The following LPAR1 variants were observed in gnomAD, a reference collection of about 807,000 sequenced individuals.
The protein encoded by LPAR1 is lysophosphatidic acid receptor 1, also known as LPA receptor 1.
A neutral mutation model predicts 23.8 loss-of-function variants in LPAR1; 5 were observed. The ratio of observed to expected loss-of-function variants is 0.21; its 90% CI spans 0.11 to 0.44. The LOEUF (loss-of-function observed/expected upper bound fraction) is 0.44. Ranked by LOEUF, LPAR1 falls within the 20% of genes least tolerant of loss-of-function variation. The probability of loss-of-function intolerance (pLI) is 0.99; values close to 1 mark genes in which losing one functional copy is unlikely to be tolerated. For missense variants in LPAR1, 311 were observed against 482.8 expected (o/e 0.64, Z 3.33); for synonymous variants, 160 against 164.7 (o/e 0.97, Z 0.22).
Position 110,941,292 on chromosome 9 carries a change from T to C in LPAR1, c.793+129A>G. On this transcript the variant is annotated intron_variant, in intron 5 of 5. Transcript: ENST00000683809. The surrounding 1 kb of genome is among the most constrained non-coding windows in gnomAD (Gnocchi z 6.1). ...TGACATTTAATATAAAGGTGCCTCA[T>C]CCCCTTGTAATTCCTGGTGAATTAC... 1.2e-6 allele frequency: 1 copy of C among 823,096 alleles called. No homozygotes were observed. Among genetic ancestry groups the C allele is most frequent in the Non-Finnish European group, 1.9e-6 (1 of 519,922 alleles). The allele number at this position is 823,096 out of a possible 1,614,324, so 51.0% of individuals were successfully genotyped here.
chr9:110,925,246 ATATT>A (rs1273344660), intron 5 of LPAR1, among the ~76,000 whole-genome samples: 2 of 149,556 alleles, frequency 1.3e-5, no homozygotes, highest in Non-Finnish European at 3.0e-5. Context: ...GACATAATAT[ATATT>A]TAATTATATA....
At chr9:110,986,438 C>A (rs1027324737) in intron 2 of LPAR1, among the ~76,000 whole-genome samples, 4 of 152,086 alleles carry the variant, frequency 2.6e-5, no homozygotes, top group African/African-American at 9.7e-5. Flanking sequence ...AGTATGGTGG[C>A]TCATGCCTGT....
intron 2 of LPAR1, among the ~76,000 whole-genome samples, chr9:111,002,289 TA>T (rs1269962572): frequency 2.0e-5 from 3 of 152,172 alleles, no homozygotes; most frequent in African/African-American, 7.2e-5. Context: ...TTAATTTACT[TA>T]AAAAAGGAAT....
Position 110,941,450 on chromosome 9 carries a change from C to T in LPAR1, c.764G>A (p.Ser255Asn). 6.2e-7 allele frequency: 1 copy of T among 1,613,548 alleles called. No homozygotes were observed. Among genetic ancestry groups the T allele is most frequent in the Non-Finnish European group, 8.5e-7 (1 of 1,179,802 alleles). The change falls in exon 5 of 6, where the codon AGT becomes AAT. Residue 255 changes from serine (S) to asparagine (N), a missense_variant. Ser to Asn is a conservative substitution (Grantham distance 46, BLOSUM62 1). This residue lies in a region of LPAR1 where 250 missense variants were observed against 427.2 expected (regional missense o/e 0.59). Transcript: ENST00000683809. This position sits in a 1 kb window ranked among gnomAD's most constrained non-coding sequence, Gnocchi z 6.1. ...CACAATGACCACAGTCTTCAGAAGA[C>T]TCATCATGGTATCCCGATTCCGCCG... ...GPRRNRDTMM[S>N]LLKTVVIVLG...
upstream of LPAR1, chr9:111,038,734 C>G: frequency 2.3e-6 from 1 of 442,582 alleles, no homozygotes; most frequent in Non-Finnish European, 4.5e-6. This position sits in a 1 kb window ranked among gnomAD's most constrained non-coding sequence, Gnocchi z 4.4. Context: ...GTGGCAGGGC[C>G]GGGGCTGGGG....
intron 2 of LPAR1, among the ~76,000 whole-genome samples, chr9:110,994,236 T>C (rs191979766): frequency 3.3e-5 from 5 of 152,280 alleles, no homozygotes; most frequent in East Asian, 1.9e-4. Context: ...CTGAGGAACA[T>C]TCTACACAAT....
At chr9:110,916,024 A>T (rs2093048890) in intron 5 of LPAR1, among the ~76,000 whole-genome samples, 1 of 152,132 alleles carries the variant, frequency 6.6e-6, no homozygotes, top group Non-Finnish European at 1.5e-5. Flanking sequence ...AAAATGTTAG[A>T]TGTTAAATTT....
chr9:111,005,448 TGAG>T (rs1485681057), intron 2 of LPAR1, among the ~76,000 whole-genome samples: 1 of 145,790 alleles, frequency 6.9e-6, no homozygotes, highest in Non-Finnish European at 1.5e-5. Context: ...CTCGGGAGGC[TGAG>T]GTGAGAGAAT....
chr9:111,002,279 T>C (rs1446914768), intron 2 of LPAR1, among the ~76,000 whole-genome samples: 2 of 152,212 alleles, frequency 1.3e-5, no homozygotes, highest in African/African-American at 2.4e-5. Context: ...ATAAAACTGT[T>C]TAATTTACTT....
At chr9:110,896,998 AG>A (rs1278227755) in intron 5 of LPAR1, among the ~76,000 whole-genome samples, 2 of 152,126 alleles carry the variant, frequency 1.3e-5, no homozygotes, top group African/African-American at 4.8e-5. Flanking sequence ...CGTGTTAGCC[AG>A]GATGGTCTCG....
intron 2 of LPAR1, among the ~76,000 whole-genome samples, chr9:111,007,217 G>A (rs1344232188): frequency 1.3e-5 from 2 of 152,020 alleles, no homozygotes; most frequent in Non-Finnish European, 2.9e-5. Context: ...AGAATTGTGA[G>A]CCAATTAAAT....
intron 5 of LPAR1, among the ~76,000 whole-genome samples, chr9:110,890,203 T>C (rs1479535146): frequency 6.6e-6 from 1 of 152,154 alleles, no homozygotes; most frequent in Non-Finnish European, 1.5e-5. Flanking sequence ...AAATTGATGT[T>C]TTTCTAAGGA....
intron 2 of LPAR1, among the ~76,000 whole-genome samples, chr9:111,030,334 C>T (rs1362561100): frequency 1.3e-5 from 2 of 152,170 alleles, no homozygotes; most frequent in Non-Finnish European, 2.9e-5. Flanking sequence ...TCCCCACAAT[C>T]GTAGTCCAAG....
chr9:110,920,787 A>G, intron 5 of LPAR1, among the ~76,000 whole-genome samples: 1 of 152,176 alleles, frequency 6.6e-6, no homozygotes, highest in East Asian at 1.9e-4. Context: ...TTTCATAAAA[A>G]TCATCACAGA....
chr9:110,959,185 A>AAAAAC, intron 4 of LPAR1, among the ~76,000 whole-genome samples: 1 of 146,518 alleles, frequency 6.8e-6, no homozygotes, highest in African/African-American at 2.5e-5. Flanking sequence ...AAAAAAAAAA[A>AAAAAC]CCACTAAAAC....
chr9:111,011,339 A>G (rs897464202), intron 2 of LPAR1, among the ~76,000 whole-genome samples: 4 of 152,166 alleles, frequency 2.6e-5, no homozygotes, highest in Admixed American at 2.0e-4. Flanking sequence ...TCACTGCAGA[A>G]TCTATTCTCT....
chr9:110,963,094 A>AG (rs1239872400), intron 4 of LPAR1, among the ~76,000 whole-genome samples: 1 of 152,228 alleles, frequency 6.6e-6, no homozygotes, highest in Non-Finnish European at 1.5e-5. Context: ...TGAAAGATAA[A>AG]GGAGTAGCTC....
At chr9:110,923,819 G>A (rs1021014041) in intron 5 of LPAR1, among the ~76,000 whole-genome samples, 1 of 152,164 alleles carries the variant, frequency 6.6e-6, no homozygotes, top group African/African-American at 2.4e-5. Context: ...GACTTCAAAA[G>A]TAACACTGTT....
chr9:110,915,864 T>C (rs1406084436), intron 5 of LPAR1, among the ~76,000 whole-genome samples: 1 of 152,230 alleles, frequency 6.6e-6, no homozygotes, highest in Non-Finnish European at 1.5e-5. Context: ...CGAGTGTGCC[T>C]TCTTTTCCTC....
Sources: allele counts gnomAD v4.1 joint callset (sites outside exome capture counted in the v4.1 genomes callset), GRCh38; gene constraint gnomAD v4.1.1; regional missense constraint gnomAD v4.1.1; non-coding constraint Gnocchi (gnomAD v3.1); transcripts MANE v1.5; gene names NCBI Gene and HGNC (gene_info 2026-07-23, HGNC 2026-07-21).